Variants in NFIC observed in about 807,000 individuals in gnomAD.
The protein encoded by NFIC is nuclear factor I C.
Under a neutral mutation model 54.4 loss-of-function variants are expected in NFIC, and 12 were observed. The observed-to-expected ratio is 0.22, with a 90% confidence interval of 0.14 to 0.36. The LOEUF (loss-of-function observed/expected upper bound fraction) is 0.36. Ranked by LOEUF, NFIC falls within the 10% of genes least tolerant of loss-of-function variation. The probability of loss-of-function intolerance (pLI) is 1.00; values close to 1 mark genes in which losing one functional copy is unlikely to be tolerated. For synonymous variants in NFIC, 322 were observed against 319.2 expected, an observed-to-expected ratio of 1.01 and a Z score of -0.09; for missense variants, 575 against 718.2, an observed-to-expected ratio of 0.80 and a Z score of 2.28.
chr19:3,390,334 G>A (rs1413582300), intron 2 of NFIC, among the ~76,000 whole-genome samples: 2 of 152,310 alleles, frequency 1.3e-5, no homozygotes, highest in African/African-American at 2.4e-5. Flanking sequence ...TTATAGCAAC[G>A]GCAGGAGTCC....
intron 2 of NFIC, among the ~76,000 whole-genome samples, chr19:3,411,397 G>A (rs889695781): frequency 8.2e-5 from 11 of 133,844 alleles, no homozygotes; most frequent in East Asian, 2.2e-4. Context: ...GCACGATCTC[G>A]GTTCACTGCA....
rs1217203285 is a variant in NFIC at position 3,453,949 on chromosome 19, C to T, written c.1423+33C>T. ...CGCGGGAAGCGGTGCCCTGGTGGGG[C>T]GGATGTCCGCAGGGGGGCCTGTCCC... On this transcript the variant is annotated intron_variant, in intron 9 of 10. Transcript: ENST00000443272. The surrounding 1 kb of genome is among the most constrained non-coding windows in gnomAD (Gnocchi z 6.7). 1.8e-5 allele frequency: 27 copies of T among 1,490,414 alleles called. No individual in the cohort carries two copies. Among genetic ancestry groups the T allele is most frequent in the Admixed American group, 2.4e-5 (1 of 41,356 alleles). The allele number at this position is 1,490,414 out of a possible 1,614,324, so 92.3% of individuals were successfully genotyped here. A position where few individuals can be genotyped will look rare whatever the true frequency, so the allele number is the denominator to read the frequency against.
chr19:3,366,776 C>A, intron 1 of NFIC, 110 bp downstream of exon 1: 1 of 766,220 alleles, frequency 1.3e-6, no homozygotes. Context: ...TCCCTCCCGC[C>A]ATCCCTGCCC....
At chr19:3,372,707 T>TTG (rs1555739438) in intron 1 of NFIC, among the ~76,000 whole-genome samples, 1 of 88,806 alleles carries the variant, frequency 1.1e-5, no homozygotes, top group Non-Finnish European at 2.5e-5. Context: ...GGCCCAGGAG[T>TTG]GGGGTGGGGG....
Position 3,392,067 on chromosome 19 carries a change from C to CTTT in NFIC, c.562+9844_562+9846dup, listed in dbSNP as rs781703569. ...TAGCAATTTAAATGAGATAATAGCT[C>CTTT]TTTTTTTTTTTTTTTTTTTTTTGAG... On this transcript the variant is annotated intron_variant, in intron 2 of 10. Coordinates refer to ENST00000443272, the MANE Select transcript of NFIC (RefSeq NM_001245002.2). Among the ~76,000 whole-genome samples the CTTT allele has an allele frequency of 7.4e-3, 745 of 101,244 alleles. 25 individuals are homozygous for CTTT. The highest frequency in any genetic ancestry group is 0.017 in the African/African-American group (402 of 22,990). 66.4% of individuals were successfully genotyped at this position (101,244 alleles called of 152,430 possible).
upstream of NFIC, among the ~76,000 whole-genome samples, chr19:3,365,111 A>G (rs2145416794): frequency 6.6e-6 from 1 of 152,056 alleles, no homozygotes; most frequent in South Asian, 2.1e-4. Flanking sequence ...CTCCTAGTTT[A>G]CCTGTCAGAC....
chr19:3,436,097 G>A (rs148467198), intron 6 of NFIC, among the ~76,000 whole-genome samples: 9,720 of 140,280 alleles, frequency 0.069, 334 homozygotes, highest in Middle Eastern at 0.12. Flanking sequence ...CAAAGTTCTG[G>A]GATTACAGGC....
rs577392411 is a variant in NFIC at position 3,463,864 on chromosome 19, C to T, written c.*1095C>T. 3.3e-5 allele frequency: 32 copies of T among 984,076 alleles called. No individual in the cohort carries two copies. In the South Asian group the frequency reaches 7.1e-4, roughly 22 times the overall value. The allele number at this position is 984,076 out of a possible 1,614,324, so 61.0% of individuals were successfully genotyped here. A position where few individuals can be genotyped will look rare whatever the true frequency, so the allele number is the denominator to read the frequency against. On this transcript the variant is annotated 3_prime_UTR_variant, in exon 11 of 11. Transcript: ENST00000443272. The stretch of plus-strand genomic sequence containing the variant: ...GCCTGATTACCACCACCCGCCCCCC[C>T]CTTTGTCCAGCTGGGACACGGAATG...
chr19:3,403,682 C>T (rs1475907169), intron 2 of NFIC, among the ~76,000 whole-genome samples: 1 of 152,242 alleles, frequency 6.6e-6, no homozygotes. Flanking sequence ...CCCGGGCTCC[C>T]GCGCCTTCCT....
chr19:3,450,881 GA>G (rs2082452065), intron 7 of NFIC, among the ~76,000 whole-genome samples: 1 of 152,176 alleles, frequency 6.6e-6, no homozygotes, highest in Non-Finnish European at 1.5e-5. Flanking sequence ...CTGTTCTTAC[GA>G]ATAAAGTTTT....
intron 1 of NFIC, among the ~76,000 whole-genome samples, chr19:3,366,935 T>TA (rs1212301416): frequency 6.6e-6 from 1 of 150,718 alleles, no homozygotes; most frequent in Non-Finnish European, 1.5e-5. Flanking sequence ...CTCCCGGATG[T>TA]GGGGCTTGGT....
upstream of NFIC, chr19:3,366,401 G>A: frequency 2.1e-6 from 1 of 467,942 alleles, no homozygotes. Context: ...ACAGAGACGG[G>A]GGAGAGAGGA....
chr19:3,368,783 C>T (rs2080943185), intron 1 of NFIC, among the ~76,000 whole-genome samples: 1 of 152,216 alleles, frequency 6.6e-6, no homozygotes, highest in Non-Finnish European at 1.5e-5. Flanking sequence ...ACCCTGAGTG[C>T]CCCATGCAGG....
intron 1 of NFIC, among the ~76,000 whole-genome samples, chr19:3,373,992 A>C (rs2081065754): frequency 6.6e-6 from 1 of 152,232 alleles, no homozygotes. Context: ...CCGTGGGACC[A>C]TGGACAAGTC....
At chr19:3,389,488 C>A (rs1156308859) in intron 2 of NFIC, among the ~76,000 whole-genome samples, 1 of 152,154 alleles carries the variant, frequency 6.6e-6, no homozygotes, top group Non-Finnish European at 1.5e-5. Context: ...GGAGACAGGC[C>A]ATGAGCTCGG....
At chr19:3,385,935 G>A (rs1247632853) in intron 2 of NFIC, among the ~76,000 whole-genome samples, 1 of 151,218 alleles carries the variant, frequency 6.6e-6, no homozygotes, top group Non-Finnish European at 1.5e-5. Flanking sequence ...TCGAACTCCT[G>A]GGCTCAAGTG....
chr19:3,448,802 C>T (rs776624082), intron 6 of NFIC, among the ~76,000 whole-genome samples: 4 of 152,162 alleles, frequency 2.6e-5, no homozygotes, highest in Non-Finnish European at 5.9e-5. Context: ...CTCCATCCCC[C>T]GGCTGTGCCG....
chr19:3,433,446 G>T, intron 3 of NFIC, 72 bp from the exon 4 acceptor site: 1 of 1,540,460 alleles, frequency 6.5e-7, no homozygotes. Context: ...CAGGAGTCCA[G>T]GCAGCCCTGG....
Position 3,463,211 on chromosome 19 carries a change from A to AGCCTGGAG in NFIC, c.*443_*450dup. The stretch of plus-strand genomic sequence containing the variant: ...CTCTGTCCGGAGACCAGGTGAGCAC[A>AGCCTGGAG]GCCTGGAGCCTGTGCCCAGGGCCGA... On this transcript the variant is annotated 3_prime_UTR_variant, in exon 11 of 11. Coordinates refer to ENST00000443272, the MANE Select transcript of NFIC (RefSeq NM_001245002.2). 2.0e-6 allele frequency: 2 copies of AGCCTGGAG among 1,006,406 alleles called. No homozygotes were observed. Among genetic ancestry groups the AGCCTGGAG allele is most frequent in the Non-Finnish European group, 2.4e-6 (2 of 844,316 alleles). 62.3% of individuals were successfully genotyped at this position (1,006,406 alleles called of 1,614,324 possible).
Sources: gnomAD v4.1 joint callset for allele counts (sites outside exome capture counted in the v4.1 genomes callset) on GRCh38, gnomAD v4.1.1 for gene constraint, Gnocchi (gnomAD v3.1) non-coding constraint, MANE v1.5 for transcripts, NCBI Gene and HGNC (gene_info 2026-07-23, HGNC 2026-07-21) for gene names.